The following ANKZF1 variants were observed in gnomAD, a reference collection of about 807,000 sequenced individuals.
The protein encoded by ANKZF1 is ankyrin repeat and zinc finger peptidyl tRNA hydrolase 1.
A neutral mutation model predicts 86.0 loss-of-function variants in ANKZF1; 84 were observed. The ratio of observed to expected loss-of-function variants is 0.98; its 90% CI spans 0.82 to 1.17. The LOEUF (loss-of-function observed/expected upper bound fraction) is 1.17, where lower values mean the gene tolerates loss of function less well. Ranked by LOEUF, ANKZF1 falls within the 50% of genes most tolerant of loss-of-function variation. The pLI is 0.00. For missense variants in ANKZF1, 893 were observed against 918.4 expected, an observed-to-expected ratio of 0.97 and a Z score of 0.36; for synonymous variants, 331 against 354.2, an observed-to-expected ratio of 0.93 and a Z score of 0.74.
rs1236029643 is a variant in ANKZF1, at chr2:219,233,367, C to T, written c.753C>T (p.Ala251=). ...KRGTAQGLRD[A]RGGPSHSAGA... is the part of the protein sequence containing the mutation. ...GCACAGCCCAGGGGCTTCGGGATGC[C>T]CGAGGTGGGCCATCACACTCTGCTG... is the stretch of plus-strand genomic sequence containing the variant. The change falls in exon 7 of 14, where the codon GCC becomes GCT. Residue 251 remains alanine, a synonymous_variant. Coordinates refer to ENST00000323348, the MANE Select transcript of ANKZF1 (RefSeq NM_018089.3). 4 of 1,614,248 alleles carry T rather than the reference C, an allele frequency of 2.5e-6. No homozygotes were observed. The Admixed American group carries it at 5.0e-5, about 20-fold the overall frequency.
rs371981495 is a variant in ANKZF1 at position 219,232,529 on chromosome 2, C to A, written c.404C>A (p.Ser135Ter). Residue 135 changes from serine (S) to a stop codon, truncating the protein, a stop_gained, in exon 5 of 14, where the codon TCA becomes TAA. Coordinates refer to ENST00000323348, the MANE Select transcript of ANKZF1 (RefSeq NM_018089.3). LOFTEE classifies it high-confidence loss of function. The part of the protein sequence containing the change: ...SSISGSEDSD[S>*]ASEEDLQTLD... ...ATCTCGGGATCAGAAGACTCAGACT[C>A]AGCCAGTGAGGAGGACTTGCAGACA... 22 of 1,614,106 alleles carry A rather than the reference C, an allele frequency of 1.4e-5. No individual in the cohort carries two copies. Among genetic ancestry groups the A allele is most frequent in the Non-Finnish European group, 1.8e-5 (21 of 1,180,046 alleles).
chr2:219,234,313 C>T, intron 9 of ANKZF1, 25 bp downstream of exon 9: 5 of 1,613,790 alleles, frequency 3.1e-6, no homozygotes, highest in Non-Finnish European at 4.2e-6. Flanking sequence ...TGGCAACTGT[C>T]AGATCTGAGT....
Position 219,234,040 on chromosome 2 carries a change from C to G in ANKZF1, c.1049-93C>G. ...GGTATATCCAGAGGATTTTCTAAGC[C>G]TTGGACTGCAGCCCAGCTACATCTG... is the stretch of plus-strand genomic sequence containing the variant. On this transcript the variant is annotated intron_variant, in intron 8 of 13. Coordinates refer to ENST00000323348, the MANE Select transcript of ANKZF1 (RefSeq NM_018089.3). 7 of 1,544,984 alleles carry G rather than the reference C, an allele frequency of 4.5e-6. No individual in the cohort carries two copies. In the South Asian group the frequency reaches 8.8e-5, roughly 19 times the overall value.
Position 219,234,209 on chromosome 2 carries a change from G to A in ANKZF1, c.1125G>A (p.Lys375=). The part of the protein sequence containing the change: ...HWKTVREERK[K]PTEEEIRKIC... ...AAACAGTAAGAGAGGAGAGAAAGAA[G>A]CCTACTGAGGAAGAAATAAGAAAGA... Residue 375 remains lysine (K), a synonymous_variant, in exon 9 of 14, where the codon AAG becomes AAA. Transcript: ENST00000323348. 6.2e-7 allele frequency: 1 copy of A among 1,614,104 alleles called. No homozygotes were observed. The highest frequency in any genetic ancestry group is 8.5e-7 in the Non-Finnish European group (1 of 1,180,024).
chr2:219,233,474 T>A, intron 7 of ANKZF1, 41 bp downstream of exon 7: 1 of 1,534,322 alleles, frequency 6.5e-7, no homozygotes, highest in African/African-American at 1.4e-5. Context: ...TGATCCATAC[T>A]TTTTTTGCAT....
At position 219,234,763 on chromosome 2, in the gene ANKZF1, T is replaced by C. The variant is rs73077098; in HGVS notation, c.1205-63T>C. ...ATTTCATTTCAGGCTTTCATTCTTA[T>C]GCATCTGCTTCTACCCTCTGAGTAC... On this transcript the variant is annotated intron_variant, in intron 9 of 13. Coordinates refer to ENST00000323348, the MANE Select transcript of ANKZF1 (RefSeq NM_018089.3). 1,574 of 1,521,556 alleles carry C rather than the reference T, an allele frequency of 1.0e-3. 15 individuals carry two copies. In the African/African-American group the frequency reaches 0.019, roughly 19 times the overall value. The allele number at this position is 1,521,556 out of a possible 1,614,324, so 94.3% of individuals were successfully genotyped here.
chr2:219,232,797 T>C, intron 5 of ANKZF1, 114 bp downstream of exon 5: 1 of 1,186,982 alleles, frequency 8.4e-7, no homozygotes, highest in Non-Finnish European at 1.2e-6. Context: ...TGGTTGTGGG[T>C]ATCACGCTTG....
In ANKZF1 at chr2:219,233,950, C is replaced by T; in HGVS notation, c.1048+7C>T. On this transcript the variant is annotated splice_region_variant and intron_variant, in intron 8 of 13. Coordinates refer to ENST00000323348, the MANE Select transcript of ANKZF1 (RefSeq NM_018089.3). ...ACCACTTTGCATGTCTATGGTGAGC[C>T]TTTGCTCCAGATCCCAATTCCCTAG... 1.3e-6 allele frequency: 2 copies of T among 1,557,856 alleles called. No homozygotes were observed. The highest frequency in any genetic ancestry group is 2.5e-5 in the South Asian group (2 of 81,288).
At chr2:219,230,510 G>T in intron 2 of ANKZF1, 105 bp downstream of exon 2, 1 of 1,375,108 alleles carries the variant, frequency 7.3e-7, no homozygotes, top group Non-Finnish European at 9.7e-7. Flanking sequence ...GAGGCCAATT[G>T]ATTTATCTTT....
At chr2:219,235,436 A>T in intron 10 of ANKZF1, 38 bp from the exon 11 acceptor site, 1 of 1,610,272 alleles carries the variant, frequency 6.2e-7, no homozygotes, top group Non-Finnish European at 8.5e-7. Flanking sequence ...GAAAGGCAGG[A>T]GGCAAGTTAA....
Position 219,235,159 on chromosome 2 carries a change from AGCTAGC to A in ANKZF1, c.1539_1544del (p.Gln513_Ala515delinsHis). On this transcript the variant is annotated inframe_deletion, in exon 10 of 14. Transcript: ENST00000323348. Reference sequence around the variant, plus strand: ...GGAGATGTTGGAGTGCTAAAGCTGCAGCTAGCTCCCAGCCCTGCAGACCCTAGAGTT... The same window carrying A: ...GGAGATGTTGGAGTGCTAAAGCTGCATCCCAGCCCTGCAGACCCTAGAGTT... The A allele has an allele frequency of 6.2e-7, 1 of 1,614,206 alleles. No homozygotes were observed. The highest frequency in any genetic ancestry group is 8.5e-7 in the Non-Finnish European group (1 of 1,180,026).
intron 1 of ANKZF1, 127 bp from the exon 2 acceptor site, chr2:219,230,101 A>T: frequency 1.4e-6 from 1 of 725,860 alleles, no homozygotes; most frequent in Non-Finnish European, 2.2e-6. Context: ...TATTCATCTC[A>T]CAGTTGGTAG....
chr2:219,235,516 A>G lies in ANKZF1; in HGVS notation c.1734A>G (p.Lys578=), dbSNP rs1951185736. ...CACCTTATACTGTTGCGGCTGACAA[A>G]TCAACACGTAATGAGTTCCGAAGGT... ...ARPPYTVAAD[K]STRNEFRRFM... The change falls in exon 11 of 14, where the codon AAA becomes AAG. Residue 578 remains lysine (K), a synonymous_variant. Transcript: ENST00000323348. The G allele has an allele frequency of 1.2e-6, 2 of 1,613,926 alleles. No homozygotes were observed. The highest frequency in any genetic ancestry group is 2.7e-5 in the African/African-American group (2 of 74,862).
chr2:219,234,826 G>C lies in ANKZF1; in HGVS notation c.1205G>C (p.Gly402Ala). The change falls in exon 10 of 14, where the codon GGT (glycine) becomes GCT (alanine). Residue 402 changes from glycine (G) to alanine (A), a missense_variant and splice_region_variant. Transcript: ENST00000323348. ...LGQNEESPKQ[G>A]SGSEGEDGFQ... ...TTTCACATGTCAGGTTTTTCCCTAG[G>C]TTCAGGGTCGGAGGGAGAAGATGGC... The C allele has an allele frequency of 6.2e-7, 1 of 1,607,112 alleles. No individual in the cohort carries two copies. The highest frequency in any genetic ancestry group is 8.5e-7 in the Non-Finnish European group (1 of 1,175,752).
chr2:219,230,561 C>A, intron 2 of ANKZF1, 156 bp downstream of exon 2: 1 of 1,000,852 alleles, frequency 1.0e-6, no homozygotes, highest in Non-Finnish European at 1.4e-6. Context: ...TAATGTCCAG[C>A]ACAGCCCTTG....
At chr2:219,230,601 G>A (rs1951004639) in intron 2 of ANKZF1, 196 bp downstream of exon 2, 1 of 610,250 alleles carries the variant, frequency 1.6e-6, no homozygotes, top group Non-Finnish European at 2.6e-6. Flanking sequence ...GCCATTGCAT[G>A]TATCTCCTCA....
rs1157917881 is a variant in ANKZF1 at position 219,236,036 on chromosome 2, C to T, written c.1998C>T (p.Leu666=). The T allele has an allele frequency of 1.1e-5, 18 of 1,614,194 alleles. No individual in the cohort carries two copies. The Middle Eastern group carries it at 6.6e-4, about 59-fold the overall frequency. The change falls in exon 13 of 14, where the codon CTC becomes CTT. Residue 666 remains leucine, a synonymous_variant. Coordinates refer to ENST00000323348, the MANE Select transcript of ANKZF1 (RefSeq NM_018089.3). ...GAGCTCTGGCTGCAGAGCGCCGACT[C>T]GCTGCCCAGTTGGGAGCCCCTACCT... is the stretch of plus-strand genomic sequence containing the variant. ...EKRALAAERR[L]AAQLGAPTSP...
chr2:219,232,775 C>T, intron 5 of ANKZF1, 92 bp downstream of exon 5: 1 of 1,363,048 alleles, frequency 7.3e-7, no homozygotes, highest in Non-Finnish European at 1.0e-6. Flanking sequence ...CCCTGCTTCT[C>T]TTCCTTCCTG....
At chr2:219,232,759 A>T in intron 5 of ANKZF1, 76 bp downstream of exon 5, 1 of 1,447,696 alleles carries the variant, frequency 6.9e-7, no homozygotes, top group Non-Finnish European at 9.4e-7. Flanking sequence ...AGCCTAGTGC[A>T]TTTCTCCCTG....
Sources: allele counts gnomAD v4.1 joint callset, GRCh38; gene constraint gnomAD v4.1.1; transcripts MANE v1.5; gene names NCBI Gene and HGNC (gene_info 2026-07-23, HGNC 2026-07-21).